The following COQ9 variants were observed in gnomAD, a reference collection of about 807,000 sequenced individuals.
COQ9 encodes the protein coenzyme Q9.
COQ9 carries 35 observed loss-of-function variants against 42.4 expected under a neutral mutation model. The ratio of observed to expected loss-of-function variants is 0.83; its 90% CI spans 0.63 to 1.10. The LOEUF is 1.10. Among genes scored for constraint, COQ9 ranks in the 50% least tolerant of loss-of-function variants. The probability of loss-of-function intolerance (pLI) is 0.00; values close to 1 mark genes in which losing one functional copy is unlikely to be tolerated. For synonymous variants in COQ9, 155 were observed against 155.1 expected (o/e 1.00, Z 0.00); for missense variants, 406 against 414.6 (o/e 0.98, Z 0.18).
chr16:57,456,444 G>T (rs2030403841), intron 3 of COQ9, 60 bp from the exon 4 acceptor site: 1 of 1,585,754 alleles, frequency 6.3e-7, no homozygotes. Context: ...TGATGAACAG[G>T]CAACAAATGT....
rs1319447766 is a variant in COQ9 at position 57,461,196 on chromosome 16, A to G, written c.*572A>G. 3 of 455,456 alleles carry G rather than the reference A, an allele frequency of 6.6e-6. No homozygotes were observed. Among genetic ancestry groups the G allele is most frequent in the Non-Finnish European group, 1.3e-5 (3 of 226,512 alleles). The allele number at this position is 455,456 out of a possible 1,614,324, so 28.2% of individuals were successfully genotyped here. A position where few individuals can be genotyped will look rare whatever the true frequency, so the allele number is the denominator to read the frequency against. On this transcript the variant is annotated 3_prime_UTR_variant, in exon 9 of 9. Transcript: ENST00000262507. ...GGTGTGATTCCAGGCCTGGTGTCAC[A>G]TGACACCAGCATGCATTGCAGGATT...
intron 5 of COQ9, 52 bp downstream of exon 5, chr16:57,457,067 A>C (rs753357471): frequency 7.4e-7 from 1 of 1,354,484 alleles, no homozygotes; most frequent in Non-Finnish European, 1.1e-6. Context: ...AATATTTATC[A>C]TTCTCAGCAC....
Position 57,459,732 on chromosome 16 carries a change from C to G in COQ9, c.867+12C>G. The G allele has an allele frequency of 1.2e-6, 2 of 1,613,290 alleles. No individual in the cohort carries two copies. Among genetic ancestry groups the G allele is most frequent in the Non-Finnish European group, 1.7e-6 (2 of 1,179,788 alleles). On this transcript the variant is annotated intron_variant, in intron 7 of 8. Transcript: ENST00000262507. Reference sequence around the variant, plus strand: ...ACACTGCCAAGCAGGTAGGTGGGGACTAGCCATTGGGGAACCCTCTTTAGA... The same window carrying G: ...ACACTGCCAAGCAGGTAGGTGGGGAGTAGCCATTGGGGAACCCTCTTTAGA...
Position 57,460,080 on chromosome 16 carries a change from A to G in COQ9, c.897A>G (p.Gln299=), listed in dbSNP as rs1261305809. Reference sequence around the variant, plus strand: ...AGTCCACAGGAGAGGCACTGGTGCAAGGACTCATGGGTGCAGCAGTGACGG... The same window carrying G: ...AGTCCACAGGAGAGGCACTGGTGCAGGGACTCATGGGTGCAGCAGTGACGG... ...QVKSTGEALV[Q]GLMGAAVTLK... Residue 299 remains glutamine, a synonymous_variant, in exon 8 of 9, where the codon CAA becomes CAG. Coordinates refer to ENST00000262507, the MANE Select transcript of COQ9 (RefSeq NM_020312.4). 3.7e-6 allele frequency: 6 copies of G among 1,614,140 alleles called. No individual in the cohort carries two copies. The highest frequency in any genetic ancestry group is 4.2e-6 in the Non-Finnish European group (5 of 1,180,032).
chr16:57,450,979 A>C (rs1315489565), intron 1 of COQ9, 61 bp from the exon 2 acceptor site: 1 of 1,580,068 alleles, frequency 6.3e-7, no homozygotes, highest in South Asian at 1.1e-5. Flanking sequence ...CTGTGTTACC[A>C]CTCTGGGTCT....
chr16:57,457,463 T>C, intron 5 of COQ9: 1 of 313,446 alleles, frequency 3.2e-6, no homozygotes. Context: ...AAGGGGTTTT[T>C]TCACCTTTTC....
At chr16:57,453,025 C>T in intron 3 of COQ9, 89 bp downstream of exon 3, 2 of 1,534,456 alleles carry the variant, frequency 1.3e-6, no homozygotes, top group Non-Finnish European at 1.8e-6. Context: ...TGCCTTCTTC[C>T]AGTCTAGCTC....
At position 57,460,019 on chromosome 16, in the gene COQ9, G is replaced by A. The variant is rs373833390; in HGVS notation, c.868-32G>A. 33 of 1,609,714 alleles carry A rather than the reference G, an allele frequency of 2.1e-5. No individual in the cohort carries two copies. In the African/African-American group the frequency reaches 3.9e-4, roughly 19 times the overall value. ...TCTCAAGTTTAACTTTGTGTTGGTG[G>A]CCTAAGGGAACCTGACACTGACTCC... is the stretch of plus-strand genomic sequence containing the variant. On this transcript the variant is annotated intron_variant, in intron 7 of 8. Transcript: ENST00000262507.
intron 2 of COQ9, among the ~76,000 whole-genome samples, chr16:57,452,578 G>T (rs1160697448): frequency 6.6e-6 from 1 of 152,194 alleles, no homozygotes; most frequent in Non-Finnish European, 1.5e-5. Flanking sequence ...GGAGGTGGAG[G>T]TTGTAGTGAG....
chr16:57,454,774 A>T (rs1273758054), intron 3 of COQ9, among the ~76,000 whole-genome samples: 1 of 152,158 alleles, frequency 6.6e-6, no homozygotes, highest in Non-Finnish European at 1.5e-5. Flanking sequence ...CCAAATACAG[A>T]AACTGCACAG....
chr16:57,448,211 C>T (rs1190733087), intron 1 of COQ9, among the ~76,000 whole-genome samples: 1 of 152,182 alleles, frequency 6.6e-6, no homozygotes, highest in Non-Finnish European at 1.5e-5. Context: ...TCTCATGACC[C>T]TCAGTGGTAC....
At chr16:57,460,159 A>AT in intron 8 of COQ9, 55 bp downstream of exon 8, 10 of 1,546,118 alleles carry the variant, frequency 6.5e-6, no homozygotes, top group Non-Finnish European at 8.0e-6. Context: ...CGGCTCTGTG[A>AT]TACATGTGTT....
intron 2 of COQ9, among the ~76,000 whole-genome samples, chr16:57,452,426 G>C (rs2030309360): frequency 6.6e-6 from 1 of 152,238 alleles, no homozygotes; most frequent in South Asian, 2.1e-4. Context: ...CGGCTCACTT[G>C]AGGTCAGGAG....
At position 57,451,137 on chromosome 16, in the gene COQ9, A is replaced by G. The variant is rs1301706979; in HGVS notation, c.171A>G (p.Ser57=). ...AGCAGAAGCAGCAGCCTCCCAACTC[A>G]TTTTCTCAGCAGCATTCTGAGACAC... ...SDEQKQQPPN[S]FSQQHSETQG... is the part of the protein sequence containing the mutation. The change falls in exon 2 of 9, where the codon TCA becomes TCG. Residue 57 remains serine (S), a synonymous_variant. Coordinates refer to ENST00000262507, the MANE Select transcript of COQ9 (RefSeq NM_020312.4). 6.2e-7 allele frequency: 1 copy of G among 1,613,920 alleles called. No homozygotes were observed.
chr16:57,460,202 G>A, intron 8 of COQ9, 98 bp downstream of exon 8: 1 of 1,228,084 alleles, frequency 8.1e-7, no homozygotes, highest in Non-Finnish European at 1.2e-6. Flanking sequence ...GCCCTAACCT[G>A]GAAACAATAA....
Position 57,460,673 on chromosome 16 carries a change from T to TTCC in COQ9, c.*50_*51insCCT. On this transcript the variant is annotated 3_prime_UTR_variant, in exon 9 of 9. Coordinates refer to ENST00000262507, the MANE Select transcript of COQ9 (RefSeq NM_020312.4). Reference sequence around the variant, plus strand: ...GCCTAGAAGAGAATGAGCGGACAGATTGAAAGAGCTTTGAAAAGTATAAGG... The same window carrying TTCC: ...GCCTAGAAGAGAATGAGCGGACAGATTCCTGAAAGAGCTTTGAAAAGTATAAGG... The TTCC allele has an allele frequency of 6.4e-7, 1 of 1,560,508 alleles. No homozygotes were observed. The highest frequency in any genetic ancestry group is 8.8e-7 in the Non-Finnish European group (1 of 1,131,632).
intron 3 of COQ9, among the ~76,000 whole-genome samples, chr16:57,454,950 T>C (rs1323528674): frequency 6.6e-6 from 1 of 152,146 alleles, no homozygotes; most frequent in East Asian, 1.9e-4. Flanking sequence ...GCTTTTCTTC[T>C]AAGAACAATT....
intron 4 of COQ9, 94 bp from the exon 5 acceptor site, chr16:57,456,837 G>T: frequency 1.5e-6 from 2 of 1,337,492 alleles, no homozygotes; most frequent in Non-Finnish European, 2.1e-6. Context: ...GTCAGGAGCT[G>T]GTGGGACCCT....
intron 1 of COQ9, among the ~76,000 whole-genome samples, chr16:57,450,307 C>T (rs1399474366): frequency 6.7e-6 from 1 of 149,774 alleles, no homozygotes; most frequent in African/African-American, 2.5e-5. Flanking sequence ...CCCAGCTACT[C>T]GGGAGGCTGA....
Sources: allele counts gnomAD v4.1 joint callset (sites outside exome capture counted in the v4.1 genomes callset), GRCh38; gene constraint gnomAD v4.1.1; transcripts MANE v1.5; gene names NCBI Gene and HGNC (gene_info 2026-07-23, HGNC 2026-07-21).